Variants in SLC26A4 observed in about 807,000 individuals in gnomAD.
SLC26A4 encodes the protein solute carrier family 26 member 4.
SLC26A4 carries 93 observed loss-of-function variants against 90.4 expected under a neutral mutation model. The observed-to-expected ratio is 1.03, with a 90% confidence interval of 0.87 to 1.22. The LOEUF (loss-of-function observed/expected upper bound fraction) is 1.22. Among genes scored for constraint, SLC26A4 ranks in the 50% most tolerant of loss-of-function variants. The pLI is 0.00. For missense variants in SLC26A4, 1,127 were observed against 946.2 expected, an observed-to-expected ratio of 1.19 and a Z score of -2.51; for synonymous variants, 393 against 354.6, an observed-to-expected ratio of 1.11 and a Z score of -1.22.
intron 8 of SLC26A4, among the ~76,000 whole-genome samples, chr7:107,683,981 C>G (rs978574245): frequency 6.6e-6 from 1 of 152,174 alleles, no homozygotes; most frequent in Non-Finnish European, 1.5e-5. Flanking sequence ...AAGTAAAATG[C>G]ATTATCTTCA....
intron 4 of SLC26A4, among the ~76,000 whole-genome samples, chr7:107,672,820 TA>T (rs1175020231): frequency 6.6e-6 from 1 of 152,240 alleles, no homozygotes; most frequent in African/African-American, 2.4e-5. Context: ...GTTTTCCTGC[TA>T]TTCCTAAAAT....
intron 14 of SLC26A4, 45 bp downstream of exon 14, chr7:107,698,156 C>G: frequency 1.6e-6 from 2 of 1,275,854 alleles, no homozygotes; most frequent in Non-Finnish European, 2.3e-6. Context: ...GTTTACTAGC[C>G]TGAAGTTTCA....
intron 3 of SLC26A4, among the ~76,000 whole-genome samples, chr7:107,665,190 G>A (rs983528741): frequency 1.3e-5 from 2 of 152,140 alleles, no homozygotes; most frequent in Non-Finnish European, 2.9e-5. Flanking sequence ...GGGTGGGGAT[G>A]GCTTGAAAAT....
Position 107,695,919 on chromosome 7 carries a change from A to G in SLC26A4, c.1438-14A>G, listed in dbSNP as rs79531981. 2,358 of 1,378,264 alleles carry G rather than the reference A, an allele frequency of 1.7e-3. 22 individuals carry two copies. In the African/African-American group the frequency reaches 0.028, roughly 16 times the overall value. The allele number at this position is 1,378,264 out of a possible 1,614,324, so 85.4% of individuals were successfully genotyped here. On this transcript the variant is annotated splice_polypyrimidine_tract_variant and intron_variant, in intron 12 of 20. Transcript: ENST00000644269. ...CATTAATATAATTCTTTTCATTTCT[A>G]TTTTTTTCCCTAGGTTATCTGGGTG... is the stretch of plus-strand genomic sequence containing the variant.
intron 8 of SLC26A4, among the ~76,000 whole-genome samples, chr7:107,688,177 A>T (rs546146115): frequency 1.5e-4 from 23 of 152,256 alleles, no homozygotes; most frequent in South Asian, 6.2e-4. Flanking sequence ...AATACCTAGG[A>T]TGCTTTCTCT....
rs779508277 is a variant in SLC26A4, at chr7:107,698,088, A to G, written c.1591A>G (p.Lys531Glu). Residue 531 changes from lysine (K) to glutamate (E), a missense_variant, in exon 14 of 21, where the codon AAA becomes GAA. By Grantham distance (56) the Lys-to-Glu change is moderately conservative (BLOSUM62 1). Coordinates refer to ENST00000644269, the MANE Select transcript of SLC26A4 (RefSeq NM_000441.2). ...AAGCATCCCTAGCACAGATATCTAC[A>G]AAAGTACCAAGAATTACAAAAACGT... ...LGSIPSTDIY[K>E]STKNYKNIEE... 1 of 1,609,368 alleles carries G rather than the reference A, an allele frequency of 6.2e-7. No homozygotes were observed. The highest frequency in any genetic ancestry group is 8.5e-7 in the Non-Finnish European group (1 of 1,175,728).
intron 10 of SLC26A4, chr7:107,692,140 T>A (rs1219944755): frequency 7.3e-6 from 9 of 1,230,962 alleles, no homozygotes; most frequent in Non-Finnish European, 9.5e-6. Context: ...GGTGCTCTGG[T>A]AAGCTAATAC....
Position 107,702,045 on chromosome 7 carries a change from A to C in SLC26A4, c.2022A>C (p.Arg674Ser). 6.2e-7 allele frequency: 1 copy of C among 1,605,032 alleles called. No homozygotes were observed. The highest frequency in any genetic ancestry group is 8.5e-7 in the Non-Finnish European group (1 of 1,171,782). The change falls in exon 17 of 21, where the codon AGA becomes AGC. Residue 674 changes from arginine (R) to serine (S), a missense_variant. By Grantham distance (110) the Arg-to-Ser change is moderately radical. Coordinates refer to ENST00000644269, the MANE Select transcript of SLC26A4 (RefSeq NM_000441.2). ...CTTTCCTGGACGTTGTTGGAGTGAG[A>C]TCACTGCGGGTGGTAAGGTTCTGGT... ...AISFLDVVGV[R>S]SLRVIVKEFQ...
rs144118483 is a variant in SLC26A4, at chr7:107,689,086, G to C, written c.1035G>C (p.Leu345Phe). 28 of 1,613,890 alleles carry C rather than the reference G, an allele frequency of 1.7e-5. No homozygotes were observed. The African/African-American group carries it at 1.7e-4, about 10-fold the overall frequency. ...CTCCTGAACTTCCACCTGTGAGCTT[G>C]TTCTCGGAGATGCTGGCTGCATCAT... ...FLPPELPPVS[L>F]FSEMLAASFS... The change falls in exon 9 of 21, where the codon TTG becomes TTC. Residue 345 changes from leucine (L) to phenylalanine (F), a missense_variant. Transcript: ENST00000644269.
chr7:107,675,247 C>T (rs1790990264), intron 6 of SLC26A4, 138 bp downstream of exon 6: 1 of 672,666 alleles, frequency 1.5e-6, no homozygotes, highest in Admixed American at 2.0e-5. Context: ...GGGCAGATTG[C>T]TTGAGCCCAG....
intron 15 of SLC26A4, among the ~76,000 whole-genome samples, chr7:107,700,457 A>G (rs1791857038): frequency 6.6e-6 from 1 of 152,220 alleles, no homozygotes; most frequent in South Asian, 2.1e-4. Context: ...AATAAGTAGT[A>G]TAGACAGTTG....
chr7:107,661,749 CGAGCGGCGCCTGCAG>C lies in SLC26A4; in HGVS notation c.114_128del (p.Arg39_Arg43del). 6.5e-7 allele frequency: 1 copy of C among 1,547,898 alleles called. No homozygotes were observed. On this transcript the variant is annotated inframe_deletion, in exon 2 of 21. Transcript: ENST00000644269. The surrounding 1 kb of genome is among the most constrained non-coding windows in gnomAD (Gnocchi z 5.1). ...GCGAGCTCGCTTTCCAGCAACAGCA[CGAGCGGCGCCTGCAG>C]GAGCGCAAGACGCTGCGGGAGAGCC...
chr7:107,712,762 G>A, intron 20 of SLC26A4, 140 bp downstream of exon 20: 4 of 650,552 alleles, frequency 6.1e-6, no homozygotes, highest in South Asian at 5.2e-5. Context: ...TCATAGCAGG[G>A]AAAAAGAGAA....
Position 107,674,310 on chromosome 7 carries a change from A to AT in SLC26A4, c.564dup (p.Ala189CysfsTer71). 6.2e-7 allele frequency: 1 copy of AT among 1,614,028 alleles called. No individual in the cohort carries two copies. The highest frequency in any genetic ancestry group is 8.5e-7 in the Non-Finnish European group (1 of 1,179,876). Reference sequence around the variant, plus strand: ...AGCTAGAGATACAGCTAGAGTCCTGATTGCCAGTGCCCTGACTCTGCTGGT... The same window carrying AT: ...AGCTAGAGATACAGCTAGAGTCCTGATTTGCCAGTGCCCTGACTCTGCTGGT... On this transcript the variant is annotated frameshift_variant, in exon 5 of 21. Coordinates refer to ENST00000644269, the MANE Select transcript of SLC26A4 (RefSeq NM_000441.2). LOFTEE classifies it high-confidence loss of function.
At chr7:107,714,392 T>C (rs972771157) in intron 20 of SLC26A4, among the ~76,000 whole-genome samples, 1 of 152,216 alleles carries the variant, frequency 6.6e-6, no homozygotes, top group African/African-American at 2.4e-5. Context: ...GCAGTAAGGA[T>C]GACAGGCAGA....
intron 20 of SLC26A4, among the ~76,000 whole-genome samples, chr7:107,714,892 A>G (rs578246549): frequency 6.6e-6 from 1 of 152,178 alleles, no homozygotes; most frequent in Non-Finnish European, 1.5e-5. Flanking sequence ...AGTGCTCAAT[A>G]AATAGTAATC....
rs1228397047 is a variant in SLC26A4, at chr7:107,716,136, ATC to A, written c.*692_*693del. On this transcript the variant is annotated 3_prime_UTR_variant, in exon 21 of 21. Coordinates refer to ENST00000644269, the MANE Select transcript of SLC26A4 (RefSeq NM_000441.2). ...AAAGAGATTTTCATGGTTTATAAAA[ATC>A]TTTTTTGATATGATAATAATCATGA... 2.6e-5 allele frequency: 4 copies of A among 152,250 alleles called. No homozygotes were observed. In the South Asian group the frequency reaches 6.2e-4, roughly 24 times the overall value. The allele number at this position is 152,250 out of a possible 1,614,324, so 9.4% of individuals were successfully genotyped here. A position where few individuals can be genotyped will look rare whatever the true frequency, so the allele number is the denominator to read the frequency against.
chr7:107,695,878 A>G, intron 12 of SLC26A4, 55 bp from the exon 13 acceptor site: 1 of 904,460 alleles, frequency 1.1e-6, no homozygotes, highest in Non-Finnish European at 1.9e-6. Flanking sequence ...TAGTTATCAC[A>G]TGATGGTACC....
intron 10 of SLC26A4, 138 bp from the exon 11 acceptor site, chr7:107,694,265 G>A (rs947197809): frequency 5.4e-5 from 39 of 726,238 alleles, no homozygotes; most frequent in East Asian, 3.2e-4. Flanking sequence ...CACTTTTCTC[G>A]ACAGTATTGA....
Sources: allele counts gnomAD v4.1 joint callset (sites outside exome capture counted in the v4.1 genomes callset), GRCh38; gene constraint gnomAD v4.1.1; non-coding constraint Gnocchi (gnomAD v3.1); transcripts MANE v1.5; gene names NCBI Gene and HGNC (gene_info 2026-07-23, HGNC 2026-07-21).